PLCXD3: variants seen among roughly 807,000 people sequenced by gnomAD.
PLCXD3 encodes PI-PLC X domain-containing protein 3.
In PLCXD3, 19 loss-of-function variants were observed where a neutral mutation model predicts 25.5. The ratio of observed to expected loss-of-function variants is 0.75; its 90% confidence interval spans 0.52 to 1.09. The LOEUF (loss-of-function observed/expected upper bound fraction) is 1.09, where lower values mean the gene tolerates loss of function less well. Ranked by LOEUF, PLCXD3 falls within the 50% of genes least tolerant of loss-of-function variation. PLCXD3 has a pLI of 0.00. For synonymous variants in PLCXD3, 174 were observed against 137.6 expected, an observed-to-expected ratio of 1.26 and a Z score of -1.85; for missense variants, 411 against 388.1, an observed-to-expected ratio of 1.06 and a Z score of -0.50.
chr5:41,411,894 A>G (rs1746545648), intron 1 of PLCXD3, among the ~76,000 whole-genome samples: 2 of 3,676 alleles, frequency 5.4e-4, no homozygotes, highest in South Asian at 3.9e-3. Flanking sequence ...GTATCCATAT[A>G]TATATCTCCA....
At chr5:41,407,225 G>T (rs1399603290) in intron 1 of PLCXD3, among the ~76,000 whole-genome samples, 1 of 152,136 alleles carries the variant, frequency 6.6e-6, no homozygotes, top group Non-Finnish European at 1.5e-5. Context: ...ATAGGCAGTG[G>T]TTCATTCCTG....
intron 2 of PLCXD3, among the ~76,000 whole-genome samples, chr5:41,349,947 C>T (rs536690259): frequency 2.0e-5 from 3 of 150,404 alleles, no homozygotes; most frequent in East Asian, 3.9e-4. Flanking sequence ...TTTGGTAGTG[C>T]TTTGCAACAT....
At chr5:41,491,948 T>C (rs537527861) in intron 1 of PLCXD3, among the ~76,000 whole-genome samples, 2 of 152,318 alleles carry the variant, frequency 1.3e-5, no homozygotes, top group East Asian at 1.9e-4. Context: ...AAAGTTAATA[T>C]TGTTATGTAT....
rs1324831632 is a variant in PLCXD3 at position 41,347,300 on chromosome 5, A to G, written c.813-33530T>C. 3.9e-5 allele frequency among the ~76,000 whole-genome samples: 6 copies of G among 152,230 alleles called. No homozygotes were observed. The East Asian group carries it at 9.6e-4, about 24-fold the overall frequency. On this transcript the variant is annotated intron_variant, in intron 2 of 2. Coordinates refer to ENST00000377801, the MANE Select transcript of PLCXD3 (RefSeq NM_001005473.3). ...ACAGTAAAGTTAGAAAAAATTAGAA[A>G]AAAATTCTTTACCTATTAAAATGAT...
intron 2 of PLCXD3, among the ~76,000 whole-genome samples, chr5:41,349,675 C>T (rs746669951): frequency 2.6e-5 from 4 of 152,188 alleles, no homozygotes; most frequent in Non-Finnish European, 5.9e-5. Context: ...TTAAATAACA[C>T]TTCAAAATCC....
At chr5:41,460,189 T>C (rs1747844412) in intron 1 of PLCXD3, among the ~76,000 whole-genome samples, 1 of 151,932 alleles carries the variant, frequency 6.6e-6, no homozygotes, top group South Asian at 2.1e-4. Flanking sequence ...TGCAAACCTT[T>C]CAGAGGCAGG....
chr5:41,330,682 T>C (rs1467544138), intron 2 of PLCXD3, among the ~76,000 whole-genome samples: 2 of 152,202 alleles, frequency 1.3e-5, no homozygotes, highest in African/African-American at 2.4e-5. Flanking sequence ...TGAACATTGA[T>C]GCAAAAATCC....
chr5:41,337,362 C>G (rs1013943437), intron 2 of PLCXD3, among the ~76,000 whole-genome samples: 1 of 152,104 alleles, frequency 6.6e-6, no homozygotes, highest in Admixed American at 6.6e-5. Context: ...GTCATGGGCA[C>G]TTAATGGGAG....
At chr5:41,333,983 T>C (rs1485307529) in intron 2 of PLCXD3, among the ~76,000 whole-genome samples, 1 of 152,158 alleles carries the variant, frequency 6.6e-6, no homozygotes, top group East Asian at 1.9e-4. Context: ...AAGACATCCG[T>C]TTGACAAATA....
intron 1 of PLCXD3, among the ~76,000 whole-genome samples, chr5:41,442,963 A>G (rs1747415802): frequency 6.6e-6 from 1 of 151,784 alleles, no homozygotes; most frequent in South Asian, 2.1e-4. Flanking sequence ...TCTCCTTATA[A>G]TATATGAAGA....
chr5:41,394,915 C>A (rs1745950397), intron 1 of PLCXD3, among the ~76,000 whole-genome samples: 1 of 152,104 alleles, frequency 6.6e-6, no homozygotes, highest in African/African-American at 2.4e-5. Context: ...TTGGACAGAT[C>A]TTCCAGACAG....
intron 1 of PLCXD3, among the ~76,000 whole-genome samples, chr5:41,486,483 A>G (rs1043700466): frequency 6.6e-6 from 1 of 152,100 alleles, no homozygotes; most frequent in Admixed American, 6.6e-5. Context: ...AGTGCTAGAC[A>G]CAATAAGTTA....
chr5:41,463,462 T>G (rs1257102746), intron 1 of PLCXD3, among the ~76,000 whole-genome samples: 1 of 152,024 alleles, frequency 6.6e-6, no homozygotes, highest in East Asian at 1.9e-4. Flanking sequence ...GGCTTCATCT[T>G]TTACTACCAT....
At chr5:41,496,686 G>A (rs1246834095) in intron 1 of PLCXD3, among the ~76,000 whole-genome samples, 1 of 147,114 alleles carries the variant, frequency 6.8e-6, no homozygotes, top group Non-Finnish European at 1.5e-5. Flanking sequence ...TACAAGAAAT[G>A]CTAAAGGGAT....
At chr5:41,405,967 G>C (rs1746339496) in intron 1 of PLCXD3, among the ~76,000 whole-genome samples, 1 of 152,084 alleles carries the variant, frequency 6.6e-6, no homozygotes, top group Non-Finnish European at 1.5e-5. Flanking sequence ...TCACTGTCTT[G>C]ACTTCATTCT....
At chr5:41,423,862 G>A (rs551625587) in intron 1 of PLCXD3, among the ~76,000 whole-genome samples, 63 of 152,204 alleles carry the variant, frequency 4.1e-4, no homozygotes, top group Non-Finnish European at 7.8e-4. Context: ...TATTTAAGGT[G>A]TACAACTTGA....
intron 1 of PLCXD3, among the ~76,000 whole-genome samples, chr5:41,462,023 C>T (rs1275183591): frequency 1.3e-5 from 2 of 151,918 alleles, no homozygotes; most frequent in African/African-American, 2.4e-5. Context: ...CTGAAAGAGC[C>T]GGAAGCTCAC....
At chr5:41,416,630 G>A (rs567466013) in intron 1 of PLCXD3, among the ~76,000 whole-genome samples, 17 of 152,350 alleles carry the variant, frequency 1.1e-4, no homozygotes, top group Middle Eastern at 3.4e-3. Flanking sequence ...TGGCAGGCTG[G>A]ACACTGTGTG....
At chr5:41,450,417 G>T (rs1009833469) in intron 1 of PLCXD3, among the ~76,000 whole-genome samples, 3 of 152,076 alleles carry the variant, frequency 2.0e-5, no homozygotes, top group African/African-American at 4.8e-5. Context: ...AATTGACAGA[G>T]AATTAAAATT....
Sources: allele counts gnomAD v4.1 joint callset (sites outside exome capture counted in the v4.1 genomes callset), GRCh38; gene constraint gnomAD v4.1.1; transcripts MANE v1.5; gene names NCBI Gene and HGNC (gene_info 2026-07-23, HGNC 2026-07-21).